Variants in MRTFB observed in about 807,000 individuals in gnomAD.
MRTFB encodes myocardin related transcription factor B, also known as myocardin-related transcription factor B.
MRTFB carries 29 observed loss-of-function variants against 104.2 expected under a neutral mutation model. The ratio of observed to expected loss-of-function variants is 0.28; its 90% CI spans 0.21 to 0.38. The LOEUF (loss-of-function observed/expected upper bound fraction) is 0.38, where lower values mean the gene tolerates loss of function less well. MRTFB is among the 10% of genes least tolerant of loss of function. MRTFB has a pLI of 1.00. For missense variants in MRTFB, 1,270 were observed against 1,341.6 expected (o/e 0.95, Z 0.83); for synonymous variants, 535 against 519.5 (o/e 1.03, Z -0.41).
chr16:14,058,843 C>T, the MRTFB span, among the ~76,000 whole-genome samples: 5 of 151,134 alleles, frequency 3.3e-5, no homozygotes, highest in South Asian at 2.1e-4. Flanking sequence ...CTTAGCCTCC[C>T]GAGTAGCTGG....
chr16:14,246,362 C>T (rs193067315), intron 11 of MRTFB, 111 bp from the exon 12 acceptor site: 88 of 1,002,206 alleles, frequency 8.8e-5, no homozygotes, highest in Middle Eastern at 2.1e-4. Context: ...TCAGGTGTGC[C>T]GTAACGCAGA....
At chr16:14,250,519 G>A (rs2043209619) in intron 13 of MRTFB, among the ~76,000 whole-genome samples, 1 of 152,220 alleles carries the variant, frequency 6.6e-6, no homozygotes, top group Non-Finnish European at 1.5e-5. Flanking sequence ...AAGGGGACCA[G>A]TTTTACATGG....
rs926033240 is a variant in MRTFB, at chr16:14,071,341, A to AGCGGCG, written c.-141_-136dup. On this transcript the variant is annotated 5_prime_UTR_variant, in exon 1 of 17. Coordinates refer to ENST00000571589, the MANE Select transcript of MRTFB (RefSeq NM_001308142.2). Reference sequence around the variant, plus strand: ...CGCGAGATCGCGCGGCGGCGGCGGGAGCGGCGGCGGCGGCGGCCGGGGAGG... The same window carrying AGCGGCG: ...CGCGAGATCGCGCGGCGGCGGCGGGAGCGGCGGCGGCGGCGGCGGCGGCCGGGGAGG... The AGCGGCG allele has an allele frequency of 1.3e-4, 21 of 163,050 alleles. No individual in the cohort carries two copies. The highest frequency in any genetic ancestry group is 3.5e-4 in the South Asian group (2 of 5,756). 10.1% of individuals were successfully genotyped at this position (163,050 alleles called of 1,614,324 possible).
intron 9 of MRTFB, among the ~76,000 whole-genome samples, chr16:14,236,345 T>G (rs1052466573): frequency 8.5e-5 from 13 of 152,368 alleles, no homozygotes; most frequent in Non-Finnish European, 1.2e-4. Flanking sequence ...TGATTTCCAA[T>G]TAGCATGCAC....
intron 2 of MRTFB, among the ~76,000 whole-genome samples, chr16:14,086,944 C>T (rs1404525446): frequency 6.6e-6 from 1 of 152,154 alleles, no homozygotes; most frequent in Non-Finnish European, 1.5e-5. Context: ...CTATTTTAGG[C>T]ACAAAGCTTA....
At chr16:14,126,225 ATGTATAGCCG>A (rs2037103581) in intron 2 of MRTFB, among the ~76,000 whole-genome samples, 1 of 152,154 alleles carries the variant, frequency 6.6e-6, no homozygotes, top group Non-Finnish European at 1.5e-5. Flanking sequence ...CTTAGTTTAT[ATGTATAGCCG>A]TGTTATGTTG....
chr16:14,261,147 C>A lies in MRTFB; in HGVS notation c.3003C>A (p.Ser1001Arg). 1 of 1,614,208 alleles carries A rather than the reference C, an allele frequency of 6.2e-7. No individual in the cohort carries two copies. Among genetic ancestry groups the A allele is most frequent in the Non-Finnish European group, 8.5e-7 (1 of 1,180,030 alleles). The change falls in exon 17 of 17, where the codon AGC becomes AGA. Residue 1001 changes from serine to arginine, a missense_variant. Physicochemically the swap from Ser to Arg is moderately radical, Grantham distance 110. Coordinates refer to ENST00000571589, the MANE Select transcript of MRTFB (RefSeq NM_001308142.2). ...CCAATGAAATTCCTCCACTACAAAG[C>A]AGCAGTGAAGACAGAGAGCCCTTCT... The part of the protein sequence containing the change: ...PSANEIPPLQ[S>R]SSEDREPFSL...
chr16:14,187,156 C>T (rs1020690516), intron 3 of MRTFB: 1 of 764,696 alleles, frequency 1.3e-6, no homozygotes, highest in Non-Finnish European at 2.0e-6. Flanking sequence ...GTACCTTACA[C>T]ATTCTAAGTT....
chr16:14,017,711 A>ATAT, the MRTFB span, among the ~76,000 whole-genome samples: 152 of 33,596 alleles, frequency 4.5e-3, 21 homozygotes, highest in African/African-American at 0.021. Flanking sequence ...ATATATATAT[A>ATAT]TTTTTTTTTT....
At chr16:14,081,826 C>T (rs1010027980) in intron 2 of MRTFB, among the ~76,000 whole-genome samples, 9 of 152,224 alleles carry the variant, frequency 5.9e-5, no homozygotes, top group African/African-American at 2.2e-4. Context: ...AGCAGTCCAC[C>T]CGCCTCGGCT....
chr16:14,238,227 T>A (rs1430042563), intron 9 of MRTFB, among the ~76,000 whole-genome samples: 1 of 152,040 alleles, frequency 6.6e-6, no homozygotes, highest in African/African-American at 2.4e-5. Flanking sequence ...CGGGATGGGC[T>A]CCCACAACAC....
rs1023285315 is a variant in MRTFB at position 14,240,500 on chromosome 16, T to C, written c.1079+16T>C. The C allele has an allele frequency of 6.2e-7, 1 of 1,614,096 alleles. No individual in the cohort carries two copies. The highest frequency in any genetic ancestry group is 1.3e-5 in the African/African-American group (1 of 74,942). On this transcript the variant is annotated intron_variant, in intron 10 of 16. Coordinates refer to ENST00000571589, the MANE Select transcript of MRTFB (RefSeq NM_001308142.2). ...CACCATTCAAGTACGGCGGGGCCCA[T>C]GCTATCCTCAACGCGGGGTTTTCTG... is the stretch of plus-strand genomic sequence containing the variant.
At chr16:14,023,675 G>GTGTATA in the MRTFB span, among the ~76,000 whole-genome samples, 24 of 145,070 alleles carry the variant, frequency 1.7e-4, no homozygotes, top group African/African-American at 3.0e-4. Context: ...GTGTGTGTGT[G>GTGTATA]TCTATATATA....
intron 2 of MRTFB, among the ~76,000 whole-genome samples, chr16:14,112,973 T>G (rs973147437): frequency 1.3e-5 from 2 of 152,228 alleles, no homozygotes; most frequent in Non-Finnish European, 2.9e-5. Context: ...TTTTACTTAT[T>G]TACTTATTGG....
chr16:14,053,563 T>G, the MRTFB span, among the ~76,000 whole-genome samples: 1 of 151,866 alleles, frequency 6.6e-6, no homozygotes, highest in Non-Finnish European at 1.5e-5. Context: ...AAACCCTGTC[T>G]CTACTAAAAA....
At chr16:14,138,765 A>G (rs1288406416) in intron 2 of MRTFB, among the ~76,000 whole-genome samples, 3 of 152,224 alleles carry the variant, frequency 2.0e-5, no homozygotes, top group East Asian at 1.9e-4. Context: ...AAAGTCAAGT[A>G]ATAGATCTAT....
chr16:14,072,947 T>C (rs1040512514), intron 1 of MRTFB, among the ~76,000 whole-genome samples: 3 of 152,200 alleles, frequency 2.0e-5, no homozygotes, highest in African/African-American at 7.2e-5. Context: ...TTGGTAATAA[T>C]TAATAAAATA....
At chr16:14,153,686 T>C (rs2038720183) in intron 3 of MRTFB, among the ~76,000 whole-genome samples, 1 of 152,188 alleles carries the variant, frequency 6.6e-6, no homozygotes. Context: ...ACTGTCAGGG[T>C]CCAGTGGTGT....
intron 3 of MRTFB, among the ~76,000 whole-genome samples, chr16:14,167,250 A>G (rs886913672): frequency 1.3e-5 from 2 of 152,126 alleles, no homozygotes. Flanking sequence ...CATTTCTCTA[A>G]TGATCAGTGA....
Sources: allele counts gnomAD v4.1 joint callset (sites outside exome capture counted in the v4.1 genomes callset), GRCh38; gene constraint gnomAD v4.1.1; transcripts MANE v1.5; gene names NCBI Gene and HGNC (gene_info 2026-07-23, HGNC 2026-07-21).